MSI1: variants seen among roughly 807,000 people sequenced by gnomAD.
MSI1 encodes the protein musashi RNA binding protein 1.
A neutral mutation model predicts 54.4 loss-of-function variants in MSI1; 15 were observed. That is an observed-to-expected ratio of 0.28 (90% CI 0.18 to 0.42). MSI1 has a LOEUF of 0.42. Ranked by LOEUF, MSI1 falls within the 20% of genes least tolerant of loss-of-function variation. The pLI is 1.00. For missense variants in MSI1, 304 were observed against 506.0 expected (o/e 0.60, Z 3.83); for synonymous variants, 200 against 196.5 (o/e 1.02, Z -0.15).
intron 11 of MSI1, among the ~76,000 whole-genome samples, chr12:120,348,675 G>T (rs1874349770): frequency 6.6e-6 from 1 of 151,890 alleles, no homozygotes; most frequent in African/African-American, 2.4e-5. Context: ...CCTGAAGTCG[G>T]GAGTTCAAGT....
In MSI1 at chr12:120,368,734, G is replaced by T; in HGVS notation, c.100+99C>A. 2.7e-6 allele frequency: 3 copies of T among 1,120,498 alleles called. No homozygotes were observed. The highest frequency in any genetic ancestry group is 3.4e-6 in the Non-Finnish European group (3 of 886,560). The allele number at this position is 1,120,498 out of a possible 1,614,324, so 69.4% of individuals were successfully genotyped here. ...GAAAGAGGGCGCGAGGGCGCCCGGG[G>T]TCAGCAGGGCGCAGGGCCGGGCTGG... is the stretch of plus-strand genomic sequence containing the variant. On this transcript the variant is annotated intron_variant, in intron 2 of 14. Coordinates refer to ENST00000257552, the MANE Select transcript of MSI1 (RefSeq NM_002442.4). This position sits in a 1 kb window ranked among gnomAD's most constrained non-coding sequence, Gnocchi z 6.6.
In MSI1 at chr12:120,368,323, C is replaced by CT. The variant is rs773250496; in HGVS notation, c.101-51_101-50insA. 3.4e-6 allele frequency: 5 copies of CT among 1,453,252 alleles called. No homozygotes were observed. Among genetic ancestry groups the CT allele is most frequent in the Middle Eastern group, 1.9e-4 (1 of 5,176 alleles). 90.0% of individuals were successfully genotyped at this position (1,453,252 alleles called of 1,614,324 possible). On this transcript the variant is annotated intron_variant, in intron 2 of 14. Coordinates refer to ENST00000257552, the MANE Select transcript of MSI1 (RefSeq NM_002442.4). The surrounding 1 kb of genome is among the most constrained non-coding windows in gnomAD (Gnocchi z 6.6). The stretch of plus-strand genomic sequence containing the variant: ...ACCAGCCCGGGCCCCGCGCCCTTCC[C>CT]CCCCCCCCGTCCTTTGCCCCCGGTG...
intron 9 of MSI1, 64 bp from the exon 10 acceptor site, chr12:120,353,443 G>A: frequency 6.9e-7 from 1 of 1,449,542 alleles, no homozygotes; most frequent in South Asian, 1.1e-5. Flanking sequence ...TCATGGAGAA[G>A]GACCTGAGCC....
chr12:120,357,834 A>G lies in MSI1; in HGVS notation c.516T>C (p.His172=). 2 of 1,614,136 alleles carry G rather than the reference A, an allele frequency of 1.2e-6. No homozygotes were observed. ...IVEKVCEIHF[H]EINNKMVECK... ...AACTCACCATTTTGTTGTTGATTTCATGAAAATGAATTTCACACACTTTCT... is the reference window on the plus strand; with the variant it reads ...AACTCACCATTTTGTTGTTGATTTCGTGAAAATGAATTTCACACACTTTCT... The change falls in exon 8 of 15, where the codon CAT becomes CAC. Residue 172 remains histidine (H), a synonymous_variant. Transcript: ENST00000257552.
At chr12:120,346,409 C>T (rs978543688) in intron 12 of MSI1, 87 bp from the exon 13 acceptor site, 1 of 1,291,220 alleles carries the variant, frequency 7.7e-7, no homozygotes, top group Non-Finnish European at 1.0e-6. Flanking sequence ...CCCACCCTAA[C>T]CTGGACCCCC....
At chr12:120,346,393 G>C (rs1592923308) in intron 12 of MSI1, 71 bp from the exon 13 acceptor site, 1 of 1,397,420 alleles carries the variant, frequency 7.2e-7, no homozygotes, top group Non-Finnish European at 9.5e-7. Flanking sequence ...CCTCAAGCCT[G>C]TCCCACCCAC....
At chr12:120,364,683 G>T in intron 5 of MSI1, 31 bp downstream of exon 5, 2 of 1,566,594 alleles carry the variant, frequency 1.3e-6, no homozygotes, top group Non-Finnish European at 1.7e-6. Context: ...CCCATAGTAA[G>T]AGAGCTCCTC....
At chr12:120,350,629 C>A (rs1216907991) in intron 11 of MSI1, among the ~76,000 whole-genome samples, 6 of 152,142 alleles carry the variant, frequency 3.9e-5, no homozygotes, top group Admixed American at 1.3e-4. Context: ...ACAGAGAAAC[C>A]CCCTGCAGCC....
intron 11 of MSI1, 90 bp from the exon 12 acceptor site, chr12:120,347,604 G>T: frequency 2.0e-6 from 3 of 1,519,538 alleles, no homozygotes; most frequent in Non-Finnish European, 2.7e-6. Flanking sequence ...AGCCTGTCCA[G>T]CCTGGCCCTA....
At chr12:120,358,005 G>A (rs532929718) in intron 7 of MSI1, 107 bp from the exon 8 acceptor site, 41 of 924,244 alleles carry the variant, frequency 4.4e-5, no homozygotes, top group Non-Finnish European at 6.6e-5. Flanking sequence ...TGGCGAGTGA[G>A]AGTTAATGAA....
chr12:120,348,649 C>T (rs1026810424), intron 11 of MSI1, among the ~76,000 whole-genome samples: 29 of 151,792 alleles, frequency 1.9e-4, no homozygotes, highest in African/African-American at 6.3e-4. Context: ...TTTGGGAGGC[C>T]GAGGCGGGCG....
At chr12:120,357,117 T>G in intron 8 of MSI1, 98 bp from the exon 9 acceptor site, 1 of 1,096,388 alleles carries the variant, frequency 9.1e-7, no homozygotes, top group Non-Finnish European at 1.4e-6. Context: ...TTAATTTCAC[T>G]GTCCAGCTGA....
At chr12:120,357,062 G>T in intron 8 of MSI1, 43 bp from the exon 9 acceptor site, 1 of 1,532,250 alleles carries the variant, frequency 6.5e-7, no homozygotes, top group Non-Finnish European at 9.0e-7. Context: ...CAGAGCTAGA[G>T]TCATTAGCCC....
intron 9 of MSI1, among the ~76,000 whole-genome samples, chr12:120,355,337 G>A (rs1438715613): frequency 6.6e-6 from 1 of 151,010 alleles, no homozygotes; most frequent in Non-Finnish European, 1.5e-5. Context: ...CCCAGGAGGC[G>A]GAGCTTCCAG....
Position 120,369,064 on chromosome 12 carries a change from G to C in MSI1, c.28C>G (p.Leu10Val). The C allele has an allele frequency of 2.9e-6, 3 of 1,022,120 alleles. No individual in the cohort carries two copies. The highest frequency in any genetic ancestry group is 3.5e-6 in the Non-Finnish European group (3 of 857,042). 63.3% of individuals were successfully genotyped at this position (1,022,120 alleles called of 1,614,324 possible). A position where few individuals can be genotyped will look rare whatever the true frequency, so the allele number is the denominator to read the frequency against. METDAPQPG[L>V]ASPDSPHDPC... ...TCGTGCGGCGAGTCCGGGGAGGCGA[G>C]GCCGGGCTGGGGCGCGTCAGTCTCC... is the stretch of plus-strand genomic sequence containing the variant. The change falls in exon 1 of 15, where the codon CTC (leucine) becomes GTC (valine). Residue 10 changes from leucine to valine, a missense_variant. Leu to Val is a conservative substitution (Grantham distance 32). Around this residue, in one of 4 missense-constraint regions of MSI1, gnomAD observed 30 missense variants for 24.8 expected, o/e 1.21. Transcript: ENST00000257552.
At position 120,364,630 on chromosome 12, in the gene MSI1, C is replaced by A. The variant is rs1279404201; in HGVS notation, c.309+84G>T. The stretch of plus-strand genomic sequence containing the variant: ...CTCCAAGCAGAGGTTCCAGAAGCAT[C>A]TTCCAGAGCAGGAAATACTGGGAAA... On this transcript the variant is annotated intron_variant, in intron 5 of 14. Transcript: ENST00000257552. 3.7e-6 allele frequency: 5 copies of A among 1,341,908 alleles called. No homozygotes were observed. The African/African-American group carries it at 7.4e-5, about 20-fold the overall frequency. The allele number at this position is 1,341,908 out of a possible 1,614,324, so 83.1% of individuals were successfully genotyped here.
chr12:120,360,714 G>A (rs1875561866), intron 6 of MSI1, among the ~76,000 whole-genome samples: 1 of 152,182 alleles, frequency 6.6e-6, no homozygotes, highest in Admixed American at 6.5e-5. Context: ...TGCATTTGCT[G>A]GTTGGGTAAC....
intron 6 of MSI1, among the ~76,000 whole-genome samples, chr12:120,362,004 C>T (rs974305230): frequency 6.6e-6 from 1 of 151,966 alleles, no homozygotes; most frequent in Non-Finnish European, 1.5e-5. Flanking sequence ...CCGCCGCAGC[C>T]GAGCCGGGCC....
At chr12:120,351,433 G>T (rs985718538) in intron 10 of MSI1, 33 bp from the exon 11 acceptor site, 7 of 1,605,978 alleles carry the variant, frequency 4.4e-6, no homozygotes, top group Non-Finnish European at 6.0e-6. Context: ...TTAGGAAGAA[G>T]CAGGGGAGGC....
Sources: allele counts gnomAD v4.1 joint callset (sites outside exome capture counted in the v4.1 genomes callset), GRCh38; gene constraint gnomAD v4.1.1; regional missense constraint gnomAD v4.1.1; non-coding constraint Gnocchi (gnomAD v3.1); transcripts MANE v1.5; gene names NCBI Gene and HGNC (gene_info 2026-07-23, HGNC 2026-07-21).